Variants in GLIS1 observed in about 807,000 individuals in gnomAD.
The protein encoded by GLIS1 is zinc finger protein GLIS1.
Under a neutral mutation model 63.8 loss-of-function variants are expected in GLIS1, and 24 were observed. That is an observed-to-expected ratio of 0.38 (90% CI 0.27 to 0.53). The LOEUF (loss-of-function observed/expected upper bound fraction) is 0.53, where lower values mean the gene tolerates loss of function less well. Ranked by LOEUF, GLIS1 falls within the 20% of genes least tolerant of loss-of-function variation. GLIS1 has a pLI of 0.85. For missense variants in GLIS1, 1,036 were observed against 1,074.1 expected, an observed-to-expected ratio of 0.96 and a Z score of 0.50; for synonymous variants, 450 against 482.5, an observed-to-expected ratio of 0.93 and a Z score of 0.88.
At chr1:53,529,423 G>T (rs755861326) in intron 5 of GLIS1, among the ~76,000 whole-genome samples, 31 of 152,316 alleles carry the variant, frequency 2.0e-4, no homozygotes, top group Middle Eastern at 3.4e-3. Context: ...ACACAGGAAG[G>T]CGAATGTGCT....
At position 53,506,381 on chromosome 1, in the gene GLIS1, G is replaced by A. The variant is rs562624029; in HGVS notation, c.*238C>T. 1.2e-5 allele frequency: 6 copies of A among 507,472 alleles called. No homozygotes were observed. The highest frequency in any genetic ancestry group is 5.9e-5 in the East Asian group (2 of 33,724). The allele number at this position is 507,472 out of a possible 1,614,324, so 31.4% of individuals were successfully genotyped here. On this transcript the variant is annotated 3_prime_UTR_variant, in exon 11 of 11. Coordinates refer to ENST00000628545, the MANE Select transcript of GLIS1 (RefSeq NM_001367484.1). Reference sequence around the variant, plus strand: ...CGGGGAGGAACGGGAAGACAAGATCGAGGGAATGTTACAGGGCCACAGATC... The same window carrying A: ...CGGGGAGGAACGGGAAGACAAGATCAAGGGAATGTTACAGGGCCACAGATC...
rs1014557570 is a variant in GLIS1, at chr1:53,716,042, C to T, written c.259+21764G>A. ...GAGGTCACTGCTGAAGCACAGTCTT[C>T]GAGGAAGAGGGAGGGTGGATGCAAA... On this transcript the variant is annotated intron_variant, in intron 2 of 10. Transcript: ENST00000628545. 2.0e-4 allele frequency among the ~76,000 whole-genome samples: 30 copies of T among 152,072 alleles called. 1 individual carries two copies. The highest frequency in any genetic ancestry group is 7.2e-5 in the African/African-American group (3 of 41,386).
At chr1:53,607,557 T>C (rs1342236981) in intron 2 of GLIS1, among the ~76,000 whole-genome samples, 1 of 152,192 alleles carries the variant, frequency 6.6e-6, no homozygotes, top group East Asian at 1.9e-4. Flanking sequence ...GCTAAACCCA[T>C]TTCCAGATGA....
chr1:53,715,722 A>G (rs1234441719), intron 2 of GLIS1, among the ~76,000 whole-genome samples: 1 of 152,100 alleles, frequency 6.6e-6, no homozygotes, highest in Non-Finnish European at 1.5e-5. Context: ...AGGAATGGTC[A>G]CTGTGCCTAA....
chr1:53,563,110 G>T (rs1024170115), intron 4 of GLIS1, among the ~76,000 whole-genome samples: 1 of 152,258 alleles, frequency 6.6e-6, no homozygotes, highest in Non-Finnish European at 1.5e-5. Context: ...CCAGAACTAG[G>T]CTGAAAGGTG....
intron 2 of GLIS1, among the ~76,000 whole-genome samples, chr1:53,650,630 G>A (rs909089209): frequency 2.6e-5 from 4 of 151,638 alleles, no homozygotes; most frequent in African/African-American, 9.7e-5. Flanking sequence ...GGAAAGGCTT[G>A]GTAGGGTCAT....
intron 6 of GLIS1, among the ~76,000 whole-genome samples, chr1:53,523,615 G>T (rs189822170): frequency 6.6e-6 from 1 of 152,102 alleles, no homozygotes; most frequent in Non-Finnish European, 1.5e-5. Flanking sequence ...CCTCCCTGGC[G>T]CTCAAGGACC....
Position 53,539,548 on chromosome 1 carries a change from C to CT in GLIS1, c.1321-9597_1321-9596insA, listed in dbSNP as rs1400670717. ...CACACACATACCACACGGTATACAC[C>CT]CCCCCACACACACTACACATCATAC... On this transcript the variant is annotated intron_variant, in intron 4 of 10. Transcript: ENST00000628545. This position sits in a 1 kb window ranked among gnomAD's most constrained non-coding sequence, Gnocchi z 5.0. 6.7e-6 allele frequency among the ~76,000 whole-genome samples: 1 copy of CT among 148,250 alleles called. No homozygotes were observed. The highest frequency in any genetic ancestry group is 6.7e-5 in the Admixed American group (1 of 14,900).
At chr1:53,702,050 C>CCAGGCACAG (rs904485529) in intron 2 of GLIS1, among the ~76,000 whole-genome samples, 1 of 151,508 alleles carries the variant, frequency 6.6e-6, no homozygotes, top group African/African-American at 2.4e-5. Context: ...CACAGTCAGC[C>CCAGGCACAG]CAGGCACAGA....
chr1:53,621,581 AAC>A (rs1645542983), intron 2 of GLIS1, among the ~76,000 whole-genome samples: 1 of 152,252 alleles, frequency 6.6e-6, no homozygotes, highest in Non-Finnish European at 1.5e-5. Context: ...TTTCCAAATA[AAC>A]AGTTACCCAA....
At chr1:53,667,309 A>T (rs1046779331) in intron 2 of GLIS1, among the ~76,000 whole-genome samples, 3 of 152,178 alleles carry the variant, frequency 2.0e-5, no homozygotes, top group Admixed American at 2.0e-4. Flanking sequence ...CATCCCACTC[A>T]AACCACTTCT....
At chr1:53,617,168 G>A (rs1645491322) in intron 2 of GLIS1, among the ~76,000 whole-genome samples, 1 of 152,160 alleles carries the variant, frequency 6.6e-6, no homozygotes, top group Non-Finnish European at 1.5e-5. Flanking sequence ...TCCACCCCAG[G>A]GGACACACTG....
At chr1:53,634,846 T>G (rs889573765) in intron 2 of GLIS1, among the ~76,000 whole-genome samples, 1 of 152,130 alleles carries the variant, frequency 6.6e-6, no homozygotes, top group South Asian at 2.1e-4. Flanking sequence ...ACGCTTCCCC[T>G]TGACAACACT....
rs1418217366 is a variant in GLIS1, at chr1:53,509,979, C to T, written c.1932G>A (p.Leu644=). 3 of 1,290,024 alleles carry T rather than the reference C, an allele frequency of 2.3e-6. No homozygotes were observed. Among genetic ancestry groups the T allele is most frequent in the Non-Finnish European group, 3.0e-6 (3 of 1,010,874 alleles). The allele number at this position is 1,290,024 out of a possible 1,614,324, so 79.9% of individuals were successfully genotyped here. The change falls in exon 9 of 11, where the codon CTG becomes CTA. Residue 644 remains leucine (L), a synonymous_variant. Coordinates refer to ENST00000628545, the MANE Select transcript of GLIS1 (RefSeq NM_001367484.1). ...AGGATGGGGGCAGCGGCGGTGGCCC[C>T]AGCCCCTTCAGGGGGCTGACTATTG... The part of the protein sequence containing the change: ...LSPIVSPLKG[L]GPPPLPPSSQ...
In GLIS1 at chr1:53,647,779, C is replaced by T. The variant is rs576014342; in HGVS notation, c.260-47501G>A. Among the ~76,000 whole-genome samples the T allele has an allele frequency of 7.9e-5, 12 of 151,958 alleles. No individual in the cohort carries two copies. In the East Asian group the frequency reaches 2.3e-3, roughly 30 times the overall value. ...AGAGTTTCTACTCATCAAAAGACAT[C>T]ATTAAGAGAGAAAAAGGGCAAGCCA... On this transcript the variant is annotated intron_variant, in intron 2 of 10. Transcript: ENST00000628545.
chr1:53,626,434 A>G (rs1048388334), intron 2 of GLIS1, among the ~76,000 whole-genome samples: 8 of 152,048 alleles, frequency 5.3e-5, no homozygotes, highest in Non-Finnish European at 1.0e-4. Flanking sequence ...TCCTGTTCCC[A>G]GGGCTGCTAC....
At chr1:53,729,681 A>G (rs1045425472) in intron 2 of GLIS1, among the ~76,000 whole-genome samples, 16 of 152,334 alleles carry the variant, frequency 1.1e-4, no homozygotes, top group Admixed American at 3.3e-4. Flanking sequence ...CATCCCTCCC[A>G]GTGAAATATC....
chr1:53,542,199 A>G lies in GLIS1; in HGVS notation c.1321-12247T>C, dbSNP rs375474717. Among the ~76,000 whole-genome samples, 30 of 152,328 alleles carry G rather than the reference A, an allele frequency of 2.0e-4. 1 individual carries two copies. Among genetic ancestry groups the G allele is most frequent in the African/African-American group, 7.0e-4 (29 of 41,576 alleles). On this transcript the variant is annotated intron_variant, in intron 4 of 10. Coordinates refer to ENST00000628545, the MANE Select transcript of GLIS1 (RefSeq NM_001367484.1). ...CCTTCCCTGATGGGCCTCGGTTTTC[A>G]TCTGTCAAAGGGGTCCGTGTGGAAT...
At chr1:53,524,702 A>G in intron 6 of GLIS1, 75 bp downstream of exon 6, 1 of 993,298 alleles carries the variant, frequency 1.0e-6, no homozygotes, top group Admixed American at 1.8e-5. Context: ...GCATGTGTTG[A>G]GGGTGGGCAC....
Sources: allele counts gnomAD v4.1 joint callset (sites outside exome capture counted in the v4.1 genomes callset), GRCh38; gene constraint gnomAD v4.1.1; non-coding constraint Gnocchi (gnomAD v3.1); transcripts MANE v1.5; gene names NCBI Gene and HGNC (gene_info 2026-07-23, HGNC 2026-07-21).